The following DEPDC5 variants were observed in gnomAD, a reference collection of about 807,000 sequenced individuals.
DEPDC5 encodes DEP domain containing 5, GATOR1 subcomplex subunit, also known as GATOR1 complex protein DEPDC5.
A neutral mutation model predicts 217.3 loss-of-function variants in DEPDC5; 73 were observed. The ratio of observed to expected loss-of-function variants is 0.34; its 90% confidence interval spans 0.28 to 0.41. DEPDC5 has a LOEUF of 0.41. Ranked by LOEUF, DEPDC5 falls within the 10% of genes least tolerant of loss-of-function variation. The probability of loss-of-function intolerance (pLI) is 1.00; values close to 1 mark genes in which losing one functional copy is unlikely to be tolerated. For missense variants in DEPDC5, 1,675 were observed against 2,070.1 expected, an observed-to-expected ratio of 0.81 and a Z score of 3.70; for synonymous variants, 733 against 756.7, an observed-to-expected ratio of 0.97 and a Z score of 0.51.
At chr22:31,783,170 A>C (rs1175537627) in intron 8 of DEPDC5, among the ~76,000 whole-genome samples, 2 of 152,226 alleles carry the variant, frequency 1.3e-5, no homozygotes, top group African/African-American at 2.4e-5. Flanking sequence ...AAAATGGACC[A>C]ATCAGCAGGA....
At chr22:31,883,044 G>T (rs945169325) in intron 38 of DEPDC5, among the ~76,000 whole-genome samples, 1 of 152,158 alleles carries the variant, frequency 6.6e-6, no homozygotes, top group Non-Finnish European at 1.5e-5. Flanking sequence ...GACATTTTGG[G>T]CCAGATCATT....
At chr22:31,871,351 A>T (rs967193236) in intron 34 of DEPDC5, among the ~76,000 whole-genome samples, 3 of 152,162 alleles carry the variant, frequency 2.0e-5, no homozygotes, top group Non-Finnish European at 4.4e-5. Context: ...CATCTAAGAG[A>T]CTTAACTTTT....
chr22:31,899,594 G>T (rs1416975289), intron 40 of DEPDC5, among the ~76,000 whole-genome samples: 1 of 152,116 alleles, frequency 6.6e-6, no homozygotes, highest in African/African-American at 2.4e-5. Context: ...ATTTCACCAC[G>T]TTGGCCAGGA....
At chr22:31,889,782 C>T (rs753117309) in intron 38 of DEPDC5, among the ~76,000 whole-genome samples, 11 of 152,082 alleles carry the variant, frequency 7.2e-5, no homozygotes, top group Non-Finnish European at 1.5e-4. Flanking sequence ...TCGTGATCCA[C>T]CCGCCTCGGC....
intron 33 of DEPDC5, among the ~76,000 whole-genome samples, chr22:31,867,314 T>C (rs546075938): frequency 1.3e-5 from 2 of 152,276 alleles, no homozygotes; most frequent in African/African-American, 2.4e-5. Flanking sequence ...CAGGATGTAA[T>C]ATAAGGCCTT....
intron 37 of DEPDC5, 35 bp downstream of exon 37, chr22:31,876,300 G>T: frequency 1.3e-6 from 2 of 1,566,906 alleles, no homozygotes; most frequent in Non-Finnish European, 1.8e-6. Flanking sequence ...GCCCACAGGG[G>T]CAAGTGTTTT....
intron 37 of DEPDC5, among the ~76,000 whole-genome samples, chr22:31,878,981 C>G (rs1402455618): frequency 3.0e-4 from 43 of 143,448 alleles, no homozygotes; most frequent in Non-Finnish European, 4.6e-4. Context: ...AAGCTGAGAT[C>G]GTGCCATCGC....
chr22:31,857,354 CAGCAACAG>C, intron 31 of DEPDC5, 83 bp from the exon 32 acceptor site: 1 of 1,050,020 alleles, frequency 9.5e-7, no homozygotes, highest in Non-Finnish European at 1.4e-6. Flanking sequence ...TCAAAGATGA[CAGCAACAG>C]AGCTGTCTGC....
Position 31,769,078 on chromosome 22 carries a change from G to T in DEPDC5, c.413+215G>T, listed in dbSNP as rs183995319. The T allele has an allele frequency of 1.2e-4, 43 of 357,138 alleles. No homozygotes were observed. The East Asian group carries it at 2.2e-3, about 18-fold the overall frequency. 22.1% of individuals were successfully genotyped at this position (357,138 alleles called of 1,614,324 possible). On this transcript the variant is annotated intron_variant, in intron 7 of 42. Transcript: ENST00000651528. ...GATCAGGACCATACTGGCTAACACG[G>T]TGAAACCCCGTCTCTACTAAAAATA...
chr22:31,814,918 A>T, intron 20 of DEPDC5, 74 bp from the exon 21 acceptor site: 1 of 1,550,320 alleles, frequency 6.5e-7, no homozygotes, highest in Non-Finnish European at 8.9e-7. Flanking sequence ...TGGGCTGGTG[A>T]TGGGTTTTAG....
At chr22:31,865,303 G>A (rs1034636604) in intron 33 of DEPDC5, among the ~76,000 whole-genome samples, 3 of 152,104 alleles carry the variant, frequency 2.0e-5, no homozygotes, top group African/African-American at 7.2e-5. Flanking sequence ...ATCAGCCTGG[G>A]CAACACAGTG....
chr22:31,758,607 G>A lies in DEPDC5; in HGVS notation c.120G>A (p.Glu40=). The change falls in exon 3 of 43, where the codon GAG becomes GAA. Residue 40 remains glutamate, a synonymous_variant. Transcript: ENST00000651528. ...ACATCAAGCTTGGAGACATTGTAGA[G>A]ATTGCACACCCCAACGATGAATACA... The part of the protein sequence containing the change: ...FPHIKLGDIV[E]IAHPNDEYSP... 1 of 1,614,132 alleles carries A rather than the reference G, an allele frequency of 6.2e-7. No homozygotes were observed.
intron 38 of DEPDC5, among the ~76,000 whole-genome samples, chr22:31,884,356 C>G (rs2093254517): frequency 6.6e-6 from 1 of 152,220 alleles, no homozygotes; most frequent in Non-Finnish European, 1.5e-5. Flanking sequence ...CACACTCTCT[C>G]CTGCTGGCAA....
Position 31,861,375 on chromosome 22 carries a change from CCTT to C in DEPDC5, c.3276_3278del (p.Phe1093del). 1 of 1,551,582 alleles carries C rather than the reference CCTT, an allele frequency of 6.4e-7. No homozygotes were observed. The highest frequency in any genetic ancestry group is 8.7e-7 in the Non-Finnish European group (1 of 1,146,966). On this transcript the variant is annotated inframe_deletion, in exon 33 of 43. Coordinates refer to ENST00000651528, the MANE Select transcript of DEPDC5 (RefSeq NM_001242896.3). ...CTCCTCCTGTGACTTCAGGACGGGGCCTTCTTTATGGAGTTTGTCCGCAGCCCA... is the reference window on the plus strand; with the variant it reads ...CTCCTCCTGTGACTTCAGGACGGGGCCTTTATGGAGTTTGTCCGCAGCCCA...
chr22:31,786,311 A>T (rs911386600), intron 10 of DEPDC5, among the ~76,000 whole-genome samples: 1 of 147,360 alleles, frequency 6.8e-6, no homozygotes, highest in African/African-American at 2.5e-5. Context: ...GTGGTGGCTC[A>T]TGGGAGGCGG....
intron 7 of DEPDC5, among the ~76,000 whole-genome samples, chr22:31,770,529 C>T (rs2148198802): frequency 6.6e-6 from 1 of 151,182 alleles, no homozygotes; most frequent in Admixed American, 6.6e-5. Context: ...TACAGTTACC[C>T]ACCACCACAC....
intron 25 of DEPDC5, 92 bp from the exon 26 acceptor site, chr22:31,836,880 C>A (rs952556722): frequency 4.9e-6 from 6 of 1,219,176 alleles, no homozygotes; most frequent in Non-Finnish European, 7.0e-6. Flanking sequence ...AACTTTTTTC[C>A]CCACTCTTCC....
chr22:31,876,089 C>T (rs747231551), intron 36 of DEPDC5, 68 bp from the exon 37 acceptor site: 363 of 1,432,462 alleles, frequency 2.5e-4, no homozygotes, highest in Non-Finnish European at 3.4e-4. Flanking sequence ...GTCTCCAGAG[C>T]ATGACTGAGG....
chr22:31,786,689 G>C (rs1394503060), intron 10 of DEPDC5, among the ~76,000 whole-genome samples: 1 of 151,706 alleles, frequency 6.6e-6, no homozygotes, highest in African/African-American at 2.4e-5. Context: ...ACTGTAACCT[G>C]AAATTCCTGT....
Sources: allele counts gnomAD v4.1 joint callset (sites outside exome capture counted in the v4.1 genomes callset), GRCh38; gene constraint gnomAD v4.1.1; transcripts MANE v1.5; gene names NCBI Gene and HGNC (gene_info 2026-07-23, HGNC 2026-07-21).